The following MACROD2 variants were observed in gnomAD, a reference collection of about 807,000 sequenced individuals.
MACROD2 encodes the protein mono-ADP ribosylhydrolase 2.
A neutral mutation model predicts 70.4 loss-of-function variants in MACROD2; 36 were observed. The ratio of observed to expected loss-of-function variants is 0.51; its 90% CI spans 0.39 to 0.68. MACROD2 has a LOEUF of 0.68. MACROD2 is among the 30% of genes least tolerant of loss of function. MACROD2 has a pLI of 0.00. For missense variants in MACROD2, 496 were observed against 538.4 expected (o/e 0.92, Z 0.78); for synonymous variants, 172 against 178.8 (o/e 0.96, Z 0.30).
intron 3 of MACROD2, among the ~76,000 whole-genome samples, chr20:14,337,216 C>T (rs1334169475): frequency 6.6e-6 from 1 of 152,186 alleles, no homozygotes; most frequent in Non-Finnish European, 1.5e-5. Context: ...TTCTAAGAAA[C>T]TTCTTACATT....
At chr20:14,081,627 A>C (rs2053996268) in intron 2 of MACROD2, among the ~76,000 whole-genome samples, 1 of 152,222 alleles carries the variant, frequency 6.6e-6, no homozygotes, top group Non-Finnish European at 1.5e-5. Context: ...GGGTATGGAA[A>C]AAGATACATT....
chr20:15,068,106 G>T (rs1029218710), intron 5 of MACROD2, among the ~76,000 whole-genome samples: 2 of 151,948 alleles, frequency 1.3e-5, no homozygotes, highest in African/African-American at 4.8e-5. Context: ...AGATACACTG[G>T]ATGGATATTT....
At chr20:14,680,174 A>T (rs2070914628) in intron 4 of MACROD2, among the ~76,000 whole-genome samples, 1 of 152,208 alleles carries the variant, frequency 6.6e-6, no homozygotes, top group Admixed American at 6.5e-5. Context: ...AGAGTCACAG[A>T]TGAAGGAGCC....
intron 2 of MACROD2, among the ~76,000 whole-genome samples, chr20:14,058,561 TGA>T (rs2053656914): frequency 6.6e-6 from 1 of 151,796 alleles, no homozygotes; most frequent in Non-Finnish European, 1.5e-5. Flanking sequence ...TTTCCTATAT[TGA>T]GAGTCTTTGA....
chr20:15,359,887 A>G lies in MACROD2; in HGVS notation c.541-71518A>G, dbSNP rs544263340. ...ATTGACATTGGTAAAATGTGTTTAC[A>G]TAGTTCCGTGTCCTTTGATCACATG... is the stretch of plus-strand genomic sequence containing the variant. On this transcript the variant is annotated intron_variant, in intron 6 of 17. Transcript: ENST00000684519. Among the ~76,000 whole-genome samples the G allele has an allele frequency of 1.2e-4, 18 of 152,294 alleles. No individual in the cohort carries two copies. In the South Asian group the frequency reaches 2.3e-3, roughly 19 times the overall value.
chr20:14,059,982 G>T (rs183485867), intron 2 of MACROD2, among the ~76,000 whole-genome samples: 1 of 152,242 alleles, frequency 6.6e-6, no homozygotes, highest in East Asian at 1.9e-4. Flanking sequence ...GTTTTAGTTG[G>T]GTTGGAACAA....
intron 4 of MACROD2, chr20:14,547,161 C>A (rs6079485): frequency 4.1e-6 from 1 of 244,664 alleles, no homozygotes. Context: ...GTGGTTCACT[C>A]GAAGTCAGAT....
chr20:14,338,382 A>G (rs983709714), intron 3 of MACROD2, among the ~76,000 whole-genome samples: 3 of 152,194 alleles, frequency 2.0e-5, no homozygotes, highest in Admixed American at 1.3e-4. Flanking sequence ...ATATGTATAT[A>G]TATACACGTG....
chr20:15,423,449 G>A (rs879035879), intron 6 of MACROD2, among the ~76,000 whole-genome samples: 1 of 152,086 alleles, frequency 6.6e-6, no homozygotes, highest in African/African-American at 2.4e-5. Flanking sequence ...CTCTGTCTTA[G>A]TCAGCTCAGG....
At chr20:14,513,415 T>A (rs1178263245) in intron 4 of MACROD2, among the ~76,000 whole-genome samples, 2 of 152,094 alleles carry the variant, frequency 1.3e-5, no homozygotes, top group Non-Finnish European at 2.9e-5. Context: ...CTGCTTGCAT[T>A]TTTCTTCTTT....
intron 2 of MACROD2, among the ~76,000 whole-genome samples, chr20:14,011,234 T>C (rs962368896): frequency 6.6e-6 from 1 of 152,220 alleles, no homozygotes; most frequent in Non-Finnish European, 1.5e-5. Flanking sequence ...AGGTGCTTCC[T>C]GATAGGAGCA....
At chr20:15,767,949 C>A (rs370533897) in intron 8 of MACROD2, among the ~76,000 whole-genome samples, 2 of 151,776 alleles carry the variant, frequency 1.3e-5, no homozygotes, top group Admixed American at 6.6e-5. Context: ...AAATTGAAAA[C>A]CTGAAACATT....
intron 10 of MACROD2, among the ~76,000 whole-genome samples, chr20:15,907,259 T>G (rs1175091510): frequency 1.3e-5 from 2 of 152,232 alleles, no homozygotes; most frequent in Non-Finnish European, 1.5e-5. Flanking sequence ...TCAGATTATC[T>G]TGATGGTTCA....
chr20:15,895,894 T>G (rs76765596), intron 10 of MACROD2, among the ~76,000 whole-genome samples: 1 of 152,338 alleles, frequency 6.6e-6, no homozygotes, highest in East Asian at 1.9e-4. Context: ...GTTAAGTGAT[T>G]GCTATCAGCT....
intron 4 of MACROD2, among the ~76,000 whole-genome samples, chr20:14,517,955 A>G (rs1007810592): frequency 2.0e-5 from 3 of 152,162 alleles, no homozygotes; most frequent in African/African-American, 7.2e-5. Flanking sequence ...TGAAAAAAGT[A>G]CTGTCAGTAC....
intron 7 of MACROD2, among the ~76,000 whole-genome samples, chr20:15,438,137 A>G (rs1348746072): frequency 6.6e-6 from 1 of 151,960 alleles, no homozygotes; most frequent in Admixed American, 6.6e-5. Context: ...CCTGGGCAAG[A>G]AGAACAAAAC....
intron 5 of MACROD2, among the ~76,000 whole-genome samples, chr20:15,120,101 A>G (rs970225670): frequency 2.0e-5 from 3 of 152,216 alleles, no homozygotes; most frequent in African/African-American, 7.2e-5. Flanking sequence ...TTAATGACAG[A>G]CACATCCTAA....
At chr20:14,165,053 G>A (rs552597375) in intron 3 of MACROD2, among the ~76,000 whole-genome samples, 5 of 152,254 alleles carry the variant, frequency 3.3e-5, no homozygotes, top group African/African-American at 1.2e-4. Context: ...AATGTAAATG[G>A]CACTCCAGGG....
chr20:14,907,477 T>C (rs962211883), intron 5 of MACROD2, among the ~76,000 whole-genome samples: 1 of 152,196 alleles, frequency 6.6e-6, no homozygotes, highest in Admixed American at 6.5e-5. Context: ...AGTGATAGAA[T>C]AGAGCTCAGT....
Sources: gnomAD v4.1 joint callset for allele counts (sites outside exome capture counted in the v4.1 genomes callset) on GRCh38, gnomAD v4.1.1 for gene constraint, MANE v1.5 for transcripts, NCBI Gene and HGNC (gene_info 2026-07-23, HGNC 2026-07-21) for gene names.